CADM2: variants seen among roughly 807,000 people sequenced by gnomAD.
CADM2 encodes immunoglobulin superfamily member 4D.
In CADM2, 12 loss-of-function variants were observed where a neutral mutation model predicts 49.8. The observed-to-expected ratio is 0.24, with a 90% CI of 0.15 to 0.39. The LOEUF (loss-of-function observed/expected upper bound fraction) is 0.39. Among genes scored for constraint, CADM2 ranks in the 10% least tolerant of loss-of-function variants. The probability of loss-of-function intolerance (pLI) is 1.00; values close to 1 mark genes in which losing one functional copy is unlikely to be tolerated. For synonymous variants in CADM2, 214 were observed against 175.4 expected, an observed-to-expected ratio of 1.22 and a Z score of -1.74; for missense variants, 378 against 492.3, an observed-to-expected ratio of 0.77 and a Z score of 2.20.
chr3:85,610,524 C>T (rs974115294), intron 1 of CADM2, among the ~76,000 whole-genome samples: 5 of 151,810 alleles, frequency 3.3e-5, no homozygotes, highest in Admixed American at 6.6e-5. Context: ...ATTCTGAGTG[C>T]TTACGATGCA....
chr3:85,312,841 C>T (rs1344069618), intron 1 of CADM2, among the ~76,000 whole-genome samples: 1 of 152,076 alleles, frequency 6.6e-6, no homozygotes, highest in Non-Finnish European at 1.5e-5. Context: ...TAAATATTGT[C>T]TCTATCCTAA....
intron 1 of CADM2, among the ~76,000 whole-genome samples, chr3:85,342,138 T>A (rs879068206): frequency 1.3e-5 from 2 of 152,024 alleles, no homozygotes; most frequent in Admixed American, 1.3e-4. Context: ...ATATCTGGAA[T>A]CTAAAAAGAT....
At chr3:85,950,131 G>T (rs1723267908) in intron 7 of CADM2, among the ~76,000 whole-genome samples, 1 of 151,008 alleles carries the variant, frequency 6.6e-6, no homozygotes, top group African/African-American at 2.4e-5. Context: ...TCTGAAGAAT[G>T]GTTATTGTTA....
chr3:85,373,857 C>T (rs1020311559), intron 1 of CADM2, among the ~76,000 whole-genome samples: 1 of 152,286 alleles, frequency 6.6e-6, no homozygotes, highest in Non-Finnish European at 1.5e-5. Context: ...GAACCAAGTC[C>T]CCAGACTGTA....
intron 1 of CADM2, among the ~76,000 whole-genome samples, chr3:85,111,776 A>T (rs990549092): frequency 1.3e-5 from 2 of 151,950 alleles, no homozygotes; most frequent in Non-Finnish European, 2.9e-5. Context: ...AACTCAAAGT[A>T]TAAATACTTG....
chr3:85,853,709 G>T (rs1452043476), intron 3 of CADM2, among the ~76,000 whole-genome samples: 3 of 151,056 alleles, frequency 2.0e-5, no homozygotes, highest in Non-Finnish European at 4.4e-5. Flanking sequence ...TTGTTTAAGA[G>T]AAATCATGAG....
chr3:85,943,521 A>G (rs1722243116), intron 7 of CADM2, among the ~76,000 whole-genome samples: 1 of 151,202 alleles, frequency 6.6e-6, no homozygotes, highest in African/African-American at 2.4e-5. Context: ...TATAAGGTGT[A>G]AGGAAGGGAT....
chr3:85,410,524 A>G (rs1231505105), intron 1 of CADM2, among the ~76,000 whole-genome samples: 3 of 152,068 alleles, frequency 2.0e-5, no homozygotes, highest in Non-Finnish European at 2.9e-5. Context: ...ATAATTTGAT[A>G]TTTTCTACTG....
chr3:85,106,257 T>A (rs2038222127), intron 1 of CADM2, among the ~76,000 whole-genome samples: 1 of 152,148 alleles, frequency 6.6e-6, no homozygotes, highest in African/African-American at 2.4e-5. Flanking sequence ...CAAATTTTAA[T>A]ATGTAAATGT....
chr3:85,674,432 A>G (rs2065834602), intron 1 of CADM2, among the ~76,000 whole-genome samples: 1 of 152,060 alleles, frequency 6.6e-6, no homozygotes, highest in Admixed American at 6.6e-5. Flanking sequence ...CTAAATAGAA[A>G]CCTCGTAAAA....
rs113437068 is a variant in CADM2 at position 85,288,787 on chromosome 3, C to T, written c.61+329119C>T. On this transcript the variant is annotated intron_variant, in intron 1 of 9. Coordinates refer to ENST00000383699, the MANE Select transcript of CADM2 (RefSeq NM_001167675.2). ...CAGTATTCTGCTTTACCAATATGCC[C>T]CCCCCCCCTCTTTTTTTCCATCATG... Among the ~76,000 whole-genome samples the T allele has an allele frequency of 8.4e-3, 900 of 107,326 alleles. 40 individuals carry two copies. The highest frequency in any genetic ancestry group is 0.039 in the African/African-American group (838 of 21,632). The allele number at this position is 107,326 out of a possible 152,430, so 70.4% of individuals were successfully genotyped here.
chr3:85,164,266 G>C (rs2040410466), intron 1 of CADM2, among the ~76,000 whole-genome samples: 1 of 151,982 alleles, frequency 6.6e-6, no homozygotes. Context: ...ACAGATACTG[G>C]CAAGTATAAT....
chr3:85,583,650 A>G (rs1051054839), intron 1 of CADM2, among the ~76,000 whole-genome samples: 4 of 152,106 alleles, frequency 2.6e-5, no homozygotes, highest in African/African-American at 4.8e-5. Flanking sequence ...GTGGGAGCAA[A>G]TGGGACAAAA....
intron 8 of CADM2, among the ~76,000 whole-genome samples, chr3:85,966,184 G>GA (rs1363829972): frequency 1.3e-5 from 2 of 151,596 alleles, no homozygotes; most frequent in Admixed American, 6.6e-5. Flanking sequence ...AATACCAGCA[G>GA]AAAAAATAGT....
chr3:85,416,909 G>C (rs2035943712), intron 1 of CADM2, among the ~76,000 whole-genome samples: 1 of 152,050 alleles, frequency 6.6e-6, no homozygotes, highest in Non-Finnish European at 1.5e-5. Context: ...GGATCTTAAT[G>C]AGAATAGTAA....
intron 1 of CADM2, among the ~76,000 whole-genome samples, chr3:85,334,701 G>T (rs2045029450): frequency 6.6e-6 from 1 of 151,516 alleles, no homozygotes; most frequent in Admixed American, 6.6e-5. Context: ...CCTTAAGAAG[G>T]TTCTAAATCT....
Position 85,796,029 on chromosome 3 carries a change from T to C in CADM2, c.89-6018T>C, listed in dbSNP as rs555005973. On this transcript the variant is annotated intron_variant, in intron 2 of 9. Transcript: ENST00000383699. Reference sequence around the variant, plus strand: ...TATGGGAATGTTTTGAAAATTGTTTTGTAAATGTAGTGGATGAGATTTTCG... The same window carrying C: ...TATGGGAATGTTTTGAAAATTGTTTCGTAAATGTAGTGGATGAGATTTTCG... Among the ~76,000 whole-genome samples the C allele has an allele frequency of 2.0e-5, 3 of 152,354 alleles. No homozygotes were observed. The East Asian group carries it at 5.8e-4, about 29-fold the overall frequency.
At chr3:85,216,216 A>C (rs2041921142) in intron 1 of CADM2, among the ~76,000 whole-genome samples, 1 of 150,408 alleles carries the variant, frequency 6.6e-6, no homozygotes, top group Non-Finnish European at 1.5e-5. Flanking sequence ...ATTATGAAGA[A>C]TATATTTGTA....
At chr3:85,451,227 G>A (rs1251982783) in intron 1 of CADM2, among the ~76,000 whole-genome samples, 1 of 151,996 alleles carries the variant, frequency 6.6e-6, no homozygotes, top group Non-Finnish European at 1.5e-5. Context: ...AAAAGACCAG[G>A]AAGTCTCTTT....
Sources: allele counts gnomAD v4.1 joint callset (sites outside exome capture counted in the v4.1 genomes callset), GRCh38; gene constraint gnomAD v4.1.1; transcripts MANE v1.5; gene names NCBI Gene and HGNC (gene_info 2026-07-23, HGNC 2026-07-21).